Variants in TNFRSF1A observed in about 807,000 individuals in gnomAD.
The protein encoded by TNFRSF1A is tumor necrosis factor receptor superfamily member 1A.
TNFRSF1A carries 9 observed loss-of-function variants against 41.6 expected under a neutral mutation model. The ratio of observed to expected loss-of-function variants is 0.22; its 90% CI spans 0.13 to 0.38. The LOEUF (loss-of-function observed/expected upper bound fraction) is 0.38, where lower values mean the gene tolerates loss of function less well. TNFRSF1A is among the 10% of genes least tolerant of loss of function. The pLI, the probability that TNFRSF1A is intolerant of heterozygous loss-of-function variation, is 1.00. For synonymous variants in TNFRSF1A, 254 were observed against 248.6 expected (o/e 1.02, Z -0.21); for missense variants, 463 against 591.5 (o/e 0.78, Z 2.25).
At chr12:6,335,444 A>G (rs1336789546) in intron 1 of TNFRSF1A, among the ~76,000 whole-genome samples, 1 of 152,150 alleles carries the variant, frequency 6.6e-6, no homozygotes, top group Non-Finnish European at 1.5e-5. Flanking sequence ...ACACCATGGC[A>G]TTCTGGAAGG....
At chr12:6,331,541 T>C (rs1948049822) in intron 5 of TNFRSF1A, 1 of 199,978 alleles carries the variant, frequency 5.0e-6, no homozygotes, top group Non-Finnish European at 1.0e-5. Flanking sequence ...ATCTTCCATG[T>C]TGGGAGTTGT....
In TNFRSF1A at chr12:6,337,171, G is replaced by T. The variant is rs189390818; in HGVS notation, c.40-2927C>A. Among the ~76,000 whole-genome samples the T allele has an allele frequency of 1.4e-3, 212 of 152,314 alleles. 1 individual carries two copies. Among genetic ancestry groups the T allele is most frequent in the African/African-American group, 5.0e-3 (206 of 41,558 alleles). ...AGGGCCCTCAGACTCCCCACCACTG[G>T]GCACCACTGCTGGCACCAGCTGGCC... On this transcript the variant is annotated intron_variant, in intron 1 of 9. Transcript: ENST00000162749. This position sits in a 1 kb window ranked among gnomAD's most constrained non-coding sequence, Gnocchi z 4.6.
Position 6,333,051 on chromosome 12 carries a change from G to T in TNFRSF1A, c.551+18C>A, listed in dbSNP as rs368670172. The T allele has an allele frequency of 2.0e-5, 33 of 1,611,220 alleles. No homozygotes were observed. The African/African-American group carries it at 3.5e-4, about 17-fold the overall frequency. ...CCATGCCACCATCCAGTGCCCAGCA[G>T]CTCTCAGAGATACTCACTTACTACA... On this transcript the variant is annotated intron_variant, in intron 5 of 9. Coordinates refer to ENST00000162749, the MANE Select transcript of TNFRSF1A (RefSeq NM_001065.4). The surrounding 1 kb of genome is among the most constrained non-coding windows in gnomAD (Gnocchi z 6.3).
chr12:6,338,275 C>G (rs1456023070), intron 1 of TNFRSF1A, among the ~76,000 whole-genome samples: 2 of 152,068 alleles, frequency 1.3e-5, no homozygotes, highest in Non-Finnish European at 2.9e-5. Context: ...TTGCCACGCT[C>G]TCTCCCCAGG....
intron 1 of TNFRSF1A, among the ~76,000 whole-genome samples, chr12:6,340,739 G>A (rs1287866723): frequency 6.6e-6 from 1 of 152,204 alleles, no homozygotes; most frequent in Non-Finnish European, 1.5e-5. Context: ...AGAGAGGGGA[G>A]GTAGGCGCAG....
rs766512656 is a variant in TNFRSF1A, at chr12:6,333,693, C to T, written c.322+44G>A. The T allele has an allele frequency of 2.6e-6, 4 of 1,560,412 alleles. No homozygotes were observed. Among genetic ancestry groups the T allele is most frequent in the African/African-American group, 1.4e-5 (1 of 73,558 alleles). On this transcript the variant is annotated intron_variant, in intron 3 of 9. Coordinates refer to ENST00000162749, the MANE Select transcript of TNFRSF1A (RefSeq NM_001065.4). The surrounding 1 kb of genome is among the most constrained non-coding windows in gnomAD (Gnocchi z 6.3). Reference sequence around the variant, plus strand: ...GCCTGCACATAGACAGGCACCCACACACCACTCAAGACCCGCCTGACTCTC... The same window carrying T: ...GCCTGCACATAGACAGGCACCCACATACCACTCAAGACCCGCCTGACTCTC...
chr12:6,332,787 C>T (rs1948067762), intron 5 of TNFRSF1A, among the ~76,000 whole-genome samples: 1 of 152,190 alleles, frequency 6.6e-6, no homozygotes, highest in East Asian at 1.9e-4. Context: ...GAGTGTATGT[C>T]CTAGAACCAA....
At position 6,329,353 on chromosome 12, in the gene TNFRSF1A, C is replaced by T; in HGVS notation, c.1327G>A (p.Gly443Ser). 4 of 1,485,226 alleles carry T rather than the reference C, an allele frequency of 2.7e-6. No individual in the cohort carries two copies. The highest frequency in any genetic ancestry group is 3.5e-6 in the Non-Finnish European group (4 of 1,127,182). 92.0% of individuals were successfully genotyped at this position (1,485,226 alleles called of 1,614,324 possible). The change falls in exon 10 of 10, where the codon GGC becomes AGC. Residue 443 changes from glycine to serine, a missense_variant. Transcript: ENST00000162749. ...CLEDIEEALC[G>S]PAALPPAPSL... ...GGCGCGGGCGGGAGGGCGGCGGGGC[C>T]GCAAAGCGCCTCCTCGATGTCCTCC...
intron 1 of TNFRSF1A, among the ~76,000 whole-genome samples, chr12:6,339,477 T>C (rs558883854): frequency 3.9e-5 from 6 of 152,198 alleles, no homozygotes; most frequent in Non-Finnish European, 8.8e-5. Context: ...CACTGAGATC[T>C]ATACAGGGAG....
chr12:6,329,280 C>T lies in TNFRSF1A; in HGVS notation c.*32G>A. The T allele has an allele frequency of 7.0e-7, 1 of 1,436,868 alleles. No homozygotes were observed. 89.0% of individuals were successfully genotyped at this position (1,436,868 alleles called of 1,614,324 possible). A position where few individuals can be genotyped will look rare whatever the true frequency, so the allele number is the denominator to read the frequency against. On this transcript the variant is annotated 3_prime_UTR_variant, in exon 10 of 10. Coordinates refer to ENST00000162749, the MANE Select transcript of TNFRSF1A (RefSeq NM_001065.4). The stretch of plus-strand genomic sequence containing the variant: ...GGGGTTGGAAGGCGATCTCGCAGGA[C>T]GGTCCTTAGAGCTGCCCGCAGGGGC...
intron 1 of TNFRSF1A, among the ~76,000 whole-genome samples, chr12:6,338,662 C>A (rs1194389853): frequency 6.6e-6 from 1 of 151,404 alleles, no homozygotes; most frequent in Non-Finnish European, 1.5e-5. Context: ...TCACTGCAAC[C>A]TTCACCACCA....
At position 6,333,326 on chromosome 12, in the gene TNFRSF1A, G is replaced by C; in HGVS notation, c.472+41C>G. The C allele has an allele frequency of 6.2e-7, 1 of 1,606,166 alleles. No homozygotes were observed. The highest frequency in any genetic ancestry group is 8.5e-7 in the Non-Finnish European group (1 of 1,176,080). On this transcript the variant is annotated intron_variant, in intron 4 of 9. Transcript: ENST00000162749. This position sits in a 1 kb window ranked among gnomAD's most constrained non-coding sequence, Gnocchi z 6.3. ...CCGCATGGGGAAGGGGCCAACCCCT[G>C]GGGTGGGGAGAGGGCTTGGCCTCAG... is the stretch of plus-strand genomic sequence containing the variant.
intron 6 of TNFRSF1A, 42 bp from the exon 7 acceptor site, chr12:6,330,753 G>C (rs747737466): frequency 6.3e-7 from 1 of 1,581,512 alleles, no homozygotes; most frequent in Non-Finnish European, 8.7e-7. Flanking sequence ...CGGGCAGAGG[G>C]GGGCCGCAGG....
Position 6,334,340 on chromosome 12 carries a change from C to T in TNFRSF1A, c.40-96G>A, listed in dbSNP as rs1948091625. On this transcript the variant is annotated intron_variant, in intron 1 of 9. Coordinates refer to ENST00000162749, the MANE Select transcript of TNFRSF1A (RefSeq NM_001065.4). This position sits in a 1 kb window ranked among gnomAD's most constrained non-coding sequence, Gnocchi z 5.1. ...TAAAACTTCCCTGGCTCAAGTCCTT[C>T]CTCAGTGAAACATTCCGCCCAGGCC... is the stretch of plus-strand genomic sequence containing the variant. The T allele has an allele frequency of 8.7e-7, 1 of 1,152,548 alleles. No individual in the cohort carries two copies. Among genetic ancestry groups the T allele is most frequent in the Non-Finnish European group, 1.3e-6 (1 of 797,544 alleles). The allele number at this position is 1,152,548 out of a possible 1,614,324, so 71.4% of individuals were successfully genotyped here. A position where few individuals can be genotyped will look rare whatever the true frequency, so the allele number is the denominator to read the frequency against.
At position 6,328,996 on chromosome 12, in the gene TNFRSF1A, A is replaced by G. The variant is rs1947985157; in HGVS notation, c.*316T>C. 2.7e-6 allele frequency: 1 copy of G among 374,766 alleles called. No homozygotes were observed. The highest frequency in any genetic ancestry group is 4.7e-6 in the Non-Finnish European group (1 of 210,698). The allele number at this position is 374,766 out of a possible 1,614,324, so 23.2% of individuals were successfully genotyped here. A position where few individuals can be genotyped will look rare whatever the true frequency, so the allele number is the denominator to read the frequency against. ...TGCTTATGCACTGTGAAAAAGGCTC[A>G]GGGACGAACCAGGGGCCCCCGAGCA... On this transcript the variant is annotated 3_prime_UTR_variant, in exon 10 of 10. Transcript: ENST00000162749.
chr12:6,329,014 C>G lies in TNFRSF1A; in HGVS notation c.*298G>C, dbSNP rs200968902. On this transcript the variant is annotated 3_prime_UTR_variant, in exon 10 of 10. Transcript: ENST00000162749. ...AAGGCTCAGGGACGAACCAGGGGCC[C>G]CCGAGCAGCCTTGCTGGTGAGGACA... The G allele has an allele frequency of 2.6e-6, 1 of 385,542 alleles. No homozygotes were observed. The highest frequency in any genetic ancestry group is 4.6e-6 in the Non-Finnish European group (1 of 217,930). 23.9% of individuals were successfully genotyped at this position (385,542 alleles called of 1,614,324 possible).
At chr12:6,336,096 A>T (rs932123165) in intron 1 of TNFRSF1A, among the ~76,000 whole-genome samples, 2 of 152,192 alleles carry the variant, frequency 1.3e-5, no homozygotes, top group African/African-American at 4.8e-5. Context: ...GGAGCACCTA[A>T]GGTCACTGGT....
In TNFRSF1A at chr12:6,329,111, G is replaced by A. The variant is rs1947987706; in HGVS notation, c.*201C>T. 1 of 474,580 alleles carries A rather than the reference G, an allele frequency of 2.1e-6. No individual in the cohort carries two copies. The highest frequency in any genetic ancestry group is 3.5e-6 in the Non-Finnish European group (1 of 287,042). 29.4% of individuals were successfully genotyped at this position (474,580 alleles called of 1,614,324 possible). A position where few individuals can be genotyped will look rare whatever the true frequency, so the allele number is the denominator to read the frequency against. ...CCACTCAGGCTCTTGAGCCCACGGC[G>A]CACCTCTCTCCGCGCGCACAGCGCT... On this transcript the variant is annotated 3_prime_UTR_variant, in exon 10 of 10. Coordinates refer to ENST00000162749, the MANE Select transcript of TNFRSF1A (RefSeq NM_001065.4).
chr12:6,338,878 C>T (rs1327319745), intron 1 of TNFRSF1A, among the ~76,000 whole-genome samples: 1 of 152,160 alleles, frequency 6.6e-6, no homozygotes, highest in East Asian at 1.9e-4. Flanking sequence ...AATCCACACA[C>T]CTCGGCCTCC....
Sources: allele counts gnomAD v4.1 joint callset (sites outside exome capture counted in the v4.1 genomes callset), GRCh38; gene constraint gnomAD v4.1.1; non-coding constraint Gnocchi (gnomAD v3.1); transcripts MANE v1.5; gene names NCBI Gene and HGNC (gene_info 2026-07-23, HGNC 2026-07-21).